DACH2: variants seen among roughly 807,000 people sequenced by gnomAD.
DACH2 encodes the protein dachshund family transcription factor 2, also known as dachshund homolog 2.
In DACH2, 17 loss-of-function variants were observed where a neutral mutation model predicts 35.8. The observed-to-expected ratio is 0.48, with a 90% confidence interval of 0.33 to 0.71. The LOEUF (loss-of-function observed/expected upper bound fraction) is 0.71. Among genes scored for constraint, DACH2 ranks in the 30% least tolerant of loss-of-function variants. The pLI is 0.02. For synonymous variants in DACH2, 195 were observed against 177.3 expected, an observed-to-expected ratio of 1.10 and a Z score of -0.79; for missense variants, 469 against 472.7, an observed-to-expected ratio of 0.99 and a Z score of 0.07.
intron 1 of DACH2, among the ~76,000 whole-genome samples, chrX:86,300,014 G>C (rs1328149977): frequency 9.0e-6 from 1 of 111,548 alleles, no homozygotes; most frequent in African/African-American, 3.3e-5. Context: ...AACATGTTGA[G>C]TGTTTAGCAT....
chrX:86,284,361 C>G (rs758381064), intron 1 of DACH2, among the ~76,000 whole-genome samples: 1 of 111,608 alleles, frequency 9.0e-6, no homozygotes, highest in South Asian at 3.7e-4. Context: ...GGTTGTTGTT[C>G]TTCATTCCGT....
chrX:86,335,347 A>G (rs939640953), intron 1 of DACH2, among the ~76,000 whole-genome samples: 5 of 112,055 alleles, frequency 4.5e-5, no homozygotes, highest in Non-Finnish European at 9.4e-5. Flanking sequence ...TTCTAGCAGT[A>G]TGGCCATTTT....
At chrX:86,203,341 A>G (rs1270492366) in intron 1 of DACH2, among the ~76,000 whole-genome samples, 15 of 111,744 alleles carry the variant, frequency 1.3e-4, no homozygotes, top group African/African-American at 4.5e-4. Flanking sequence ...TTAACTGAAA[A>G]TATATTATCA....
intron 1 of DACH2, among the ~76,000 whole-genome samples, chrX:86,195,283 C>A (rs927663657): frequency 1.1e-4 from 12 of 112,326 alleles, no homozygotes; most frequent in Admixed American, 1.9e-4. Flanking sequence ...AGCCAGCCTG[C>A]CCTGCCTCTG....
chrX:86,395,804 T>G (rs1218679165), intron 2 of DACH2, among the ~76,000 whole-genome samples: 1 of 112,071 alleles, frequency 8.9e-6, no homozygotes, highest in Non-Finnish European at 1.9e-5. Context: ...ACATTTGGGT[T>G]GGTTCCAAGT....
At chrX:86,684,005 C>T (rs1352295236) in intron 4 of DACH2, among the ~76,000 whole-genome samples, 14 of 111,030 alleles carry the variant, frequency 1.3e-4, no homozygotes, top group Non-Finnish European at 2.6e-4. Context: ...CTCTATTTTG[C>T]GTCGGTCTCT....
At chrX:86,629,164 G>T (rs1602716988) in intron 3 of DACH2, among the ~76,000 whole-genome samples, 1 of 111,382 alleles carries the variant, frequency 9.0e-6, no homozygotes, top group East Asian at 2.8e-4. Context: ...AGCATTTCAG[G>T]TAGTCTTCCT....
Position 86,376,860 on chromosome X carries a change from C to T in DACH2, c.525C>T (p.Asn175=). The T allele has an allele frequency of 3.8e-6, 3 of 796,244 alleles. No individual in the cohort carries two copies. Among genetic ancestry groups the T allele is most frequent in the Non-Finnish European group, 5.7e-6 (3 of 528,662 alleles). 65.6% of individuals were successfully genotyped at this position (796,244 alleles called of 1,213,427 possible). Residue 175 remains asparagine (N), a splice_region_variant and synonymous_variant, in exon 2 of 12, where the codon AAC becomes AAT. Coordinates refer to ENST00000373125, the MANE Select transcript of DACH2 (RefSeq NM_053281.3). ...KRQMTRKQAV[N]SSRPGRPPKR... is the part of the protein sequence containing the mutation. ...AAATGACAAGAAAACAAGCTGTTAACAGGTATTTATGTATTTATTTTTTAA... is the reference window on the plus strand; with the variant it reads ...AAATGACAAGAAAACAAGCTGTTAATAGGTATTTATGTATTTATTTTTTAA...
At chrX:86,688,659 G>A (rs1479396045) in intron 4 of DACH2, among the ~76,000 whole-genome samples, 2 of 111,846 alleles carry the variant, frequency 1.8e-5, no homozygotes, top group Non-Finnish European at 3.8e-5. Context: ...AACAGATACA[G>A]GAAATAAAGG....
chrX:86,562,574 G>T (rs1490471652), intron 3 of DACH2, among the ~76,000 whole-genome samples: 1 of 111,252 alleles, frequency 9.0e-6, no homozygotes, highest in Non-Finnish European at 1.9e-5. Context: ...GCTTAAAATT[G>T]TATACACATA....
chrX:86,219,255 A>T (rs906954157), intron 1 of DACH2, among the ~76,000 whole-genome samples: 21 of 109,260 alleles, frequency 1.9e-4, no homozygotes, highest in African/African-American at 6.0e-4. Flanking sequence ...TTTCCATGAA[A>T]TTTTTTTTTT....
chrX:86,252,100 G>C (rs953238400), intron 1 of DACH2, among the ~76,000 whole-genome samples: 8 of 111,263 alleles, frequency 7.2e-5, no homozygotes, highest in Non-Finnish European at 1.3e-4. Flanking sequence ...TAGTGACGTT[G>C]ACCATTTTTT....
intron 2 of DACH2, among the ~76,000 whole-genome samples, chrX:86,453,214 A>G (rs763989159): frequency 3.6e-5 from 4 of 111,888 alleles, no homozygotes; most frequent in Non-Finnish European, 7.5e-5. Context: ...GCATTTGCTC[A>G]GGAGTGTTTT....
intron 7 of DACH2, among the ~76,000 whole-genome samples, chrX:86,787,867 AG>A (rs768124542): frequency 4.5e-3 from 502 of 111,754 alleles, no homozygotes; most frequent in Middle Eastern, 0.032. Flanking sequence ...GAGATATCAA[AG>A]CAAGTTTTAG....
intron 4 of DACH2, among the ~76,000 whole-genome samples, chrX:86,692,601 T>C (rs891238160): frequency 1.8e-5 from 2 of 112,394 alleles, no homozygotes; most frequent in Non-Finnish European, 3.8e-5. Context: ...TTTAAATTTA[T>C]AAAATAAATA....
chrX:86,423,614 T>A (rs934416680), intron 2 of DACH2, among the ~76,000 whole-genome samples: 1 of 110,107 alleles, frequency 9.1e-6, no homozygotes. Context: ...TTCTGTGAGT[T>A]GTGTCTTCAT....
chrX:86,342,098 A>G (rs2035423137), intron 1 of DACH2, among the ~76,000 whole-genome samples: 1 of 111,977 alleles, frequency 8.9e-6, no homozygotes, highest in African/African-American at 3.2e-5. Flanking sequence ...CAATTTTGAA[A>G]TAAGTACTAC....
At chrX:86,410,165 A>G (rs1028168409) in intron 2 of DACH2, among the ~76,000 whole-genome samples, 2 of 112,364 alleles carry the variant, frequency 1.8e-5, no homozygotes, top group Non-Finnish European at 3.8e-5. Flanking sequence ...TCCATTGTTT[A>G]AAACAGCAAT....
intron 2 of DACH2, among the ~76,000 whole-genome samples, chrX:86,415,764 T>C (rs779446961): frequency 8.9e-6 from 1 of 112,418 alleles, no homozygotes; most frequent in South Asian, 3.7e-4. Flanking sequence ...ACTTTAGCTG[T>C]AGTGCAGCAT....
Sources: gnomAD v4.1 joint callset for allele counts (sites outside exome capture counted in the v4.1 genomes callset) on GRCh38, gnomAD v4.1.1 for gene constraint, MANE v1.5 for transcripts, NCBI Gene and HGNC (gene_info 2026-07-23, HGNC 2026-07-21) for gene names.